The following CHRM2 variants were observed in gnomAD, a reference collection of about 807,000 sequenced individuals.
CHRM2 encodes the protein muscarinic acetylcholine receptor M2.
CHRM2 carries 8 observed loss-of-function variants against 25.0 expected under a neutral mutation model. The observed-to-expected ratio is 0.32, with a 90% CI of 0.19 to 0.58. The LOEUF (loss-of-function observed/expected upper bound fraction) is 0.58, where lower values mean the gene tolerates loss of function less well. Ranked by LOEUF, CHRM2 falls within the 20% of genes least tolerant of loss-of-function variation. The probability of loss-of-function intolerance (pLI) is 0.88; values close to 1 mark genes in which losing one functional copy is unlikely to be tolerated. For missense variants in CHRM2, 440 were observed against 567.1 expected (o/e 0.78, Z 2.28); for synonymous variants, 202 against 205.7 (o/e 0.98, Z 0.15).
At chr7:136,996,896 T>C (rs1182769025) in intron 3 of CHRM2, among the ~76,000 whole-genome samples, 1 of 152,224 alleles carries the variant, frequency 6.6e-6, no homozygotes, top group Non-Finnish European at 1.5e-5. Context: ...CAGTATTTTA[T>C]GACTTTGAGC....
chr7:136,938,646 A>G, intron 2 of CHRM2: 2 of 831,416 alleles, frequency 2.4e-6, no homozygotes, highest in Non-Finnish European at 4.2e-6. Context: ...ATGCGGGCAC[A>G]GGGCCCACTC....
intron 2 of CHRM2, among the ~76,000 whole-genome samples, chr7:136,959,995 A>T (rs1192225602): frequency 1.3e-5 from 2 of 152,182 alleles, no homozygotes; most frequent in African/African-American, 4.8e-5. Flanking sequence ...ACAGCCTCAT[A>T]CAGTGCAAGT....
At chr7:136,884,269 G>T (rs1796373968) in intron 2 of CHRM2, among the ~76,000 whole-genome samples, 1 of 152,070 alleles carries the variant, frequency 6.6e-6, no homozygotes, top group African/African-American at 2.4e-5. Context: ...AGGTCATTAG[G>T]AAACTGTTGT....
intron 2 of CHRM2, among the ~76,000 whole-genome samples, chr7:136,964,220 G>A (rs1801273244): frequency 6.6e-6 from 1 of 151,668 alleles, no homozygotes; most frequent in Non-Finnish European, 1.5e-5. Flanking sequence ...CTAAGAAATG[G>A]TTAAATATAT....
chr7:136,926,153 T>G (rs1798737664), intron 2 of CHRM2, among the ~76,000 whole-genome samples: 1 of 152,054 alleles, frequency 6.6e-6, no homozygotes, highest in African/African-American at 2.4e-5. Flanking sequence ...AGGAGATTGC[T>G]TAAACCTGGG....
At chr7:136,983,288 C>T (rs1409206649) in intron 2 of CHRM2, among the ~76,000 whole-genome samples, 2 of 152,142 alleles carry the variant, frequency 1.3e-5, no homozygotes, top group South Asian at 2.1e-4. Context: ...TTTTTCATCT[C>T]CATCAGATCA....
Position 137,004,856 on chromosome 7 carries a change from A to G in CHRM2, c.-46-9964A>G, listed in dbSNP as rs148008943. Among the ~76,000 whole-genome samples, 1,091 of 152,158 alleles carry G rather than the reference A, an allele frequency of 7.2e-3. 15 individuals carry two copies. Among genetic ancestry groups the G allele is most frequent in the African/African-American group, 0.025 (1,042 of 41,538 alleles). ...CCTGCTCTCATTTTTTCAAGTTTTCATGGGATAACACTGCGGTCATTTGGC... is the reference window on the plus strand; with the variant it reads ...CCTGCTCTCATTTTTTCAAGTTTTCGTGGGATAACACTGCGGTCATTTGGC... On this transcript the variant is annotated intron_variant, in intron 3 of 3. Transcript: ENST00000680005.
chr7:136,900,766 G>A (rs980932050), intron 2 of CHRM2, among the ~76,000 whole-genome samples: 20 of 151,834 alleles, frequency 1.3e-4, no homozygotes, highest in Admixed American at 1.3e-4. Context: ...GTAAACACCC[G>A]AGGCATTTTT....
At chr7:136,937,400 G>GT (rs371072765) in intron 2 of CHRM2, among the ~76,000 whole-genome samples, 7 of 151,814 alleles carry the variant, frequency 4.6e-5, no homozygotes, top group Admixed American at 2.6e-4. Flanking sequence ...TTTTTCCTCA[G>GT]TTTTTTTTGA....
At position 136,916,185 on chromosome 7, in the gene CHRM2, G is replaced by C. The variant is rs919693688; in HGVS notation, c.-125+46767G>C. On this transcript the variant is annotated intron_variant, in intron 2 of 3. Coordinates refer to ENST00000680005, the MANE Select transcript of CHRM2 (RefSeq NM_001006630.2). ...CATATGAGAACTCTTATTATTGGGA[G>C]TGATATAAGTGTATCAATTAAACGC... 2.0e-5 allele frequency among the ~76,000 whole-genome samples: 3 copies of C among 151,930 alleles called. No individual in the cohort carries two copies. In the East Asian group the frequency reaches 5.8e-4, roughly 30 times the overall value.
chr7:136,879,061 TA>T (rs1053290312), intron 2 of CHRM2, among the ~76,000 whole-genome samples: 34 of 151,936 alleles, frequency 2.2e-4, no homozygotes, highest in African/African-American at 8.2e-4. Flanking sequence ...TCCTGGCAAC[TA>T]ACCTCCTGGC....
chr7:137,000,184 CT>C lies in CHRM2; in HGVS notation c.-47+7925del, dbSNP rs1286329110. 4.2e-5 allele frequency among the ~76,000 whole-genome samples: 5 copies of C among 119,336 alleles called. No homozygotes were observed. In the Admixed American group the frequency reaches 4.2e-4, roughly 10 times the overall value. The allele number at this position is 119,336 out of a possible 152,430, so 78.3% of individuals were successfully genotyped here. ...TTTGTTCAGCTTGTCTTTCATAATTCTTTTTCTTTCTTTTTTTTTTTTTTTT... is the reference window on the plus strand; with the variant it reads ...TTTGTTCAGCTTGTCTTTCATAATTCTTTTCTTTCTTTTTTTTTTTTTTTT... On this transcript the variant is annotated intron_variant, in intron 3 of 3. Coordinates refer to ENST00000680005, the MANE Select transcript of CHRM2 (RefSeq NM_001006630.2).
chr7:136,879,222 G>A (rs961043748), intron 2 of CHRM2, among the ~76,000 whole-genome samples: 1 of 151,950 alleles, frequency 6.6e-6, no homozygotes, highest in Non-Finnish European at 1.5e-5. Context: ...TAACATATAT[G>A]TTGCAACATT....
At chr7:136,991,952 C>T (rs1048711086) in intron 2 of CHRM2, among the ~76,000 whole-genome samples, 1 of 152,066 alleles carries the variant, frequency 6.6e-6, no homozygotes, top group Non-Finnish European at 1.5e-5. Flanking sequence ...ACATGTGATT[C>T]TATTCTCAGG....
intron 2 of CHRM2, among the ~76,000 whole-genome samples, chr7:136,961,298 A>AT (rs1392134758): frequency 1.9e-4 from 29 of 152,278 alleles, no homozygotes; most frequent in African/African-American, 6.7e-4. Flanking sequence ...GGAAGCTAAT[A>AT]ATGTAAGTGT....
chr7:136,985,050 A>G lies in CHRM2; in HGVS notation c.-124-7137A>G, dbSNP rs142512283. ...TTAACAATTTGTGGAACTAGTTAGT[A>G]TTCTATAGAATAAACTTTGTCATTG... On this transcript the variant is annotated intron_variant, in intron 2 of 3. Coordinates refer to ENST00000680005, the MANE Select transcript of CHRM2 (RefSeq NM_001006630.2). Among the ~76,000 whole-genome samples the G allele has an allele frequency of 6.6e-5, 10 of 152,248 alleles. No individual in the cohort carries two copies. The East Asian group carries it at 1.9e-3, about 30-fold the overall frequency.
chr7:136,949,541 T>C (rs1166238672), intron 2 of CHRM2, among the ~76,000 whole-genome samples: 2 of 151,438 alleles, frequency 1.3e-5, no homozygotes, highest in African/African-American at 4.9e-5. Flanking sequence ...GGTGGGAGGA[T>C]TGCTGGAGCC....
intron 2 of CHRM2, among the ~76,000 whole-genome samples, chr7:136,985,078 G>A (rs1271811785): frequency 1.3e-5 from 2 of 152,092 alleles, no homozygotes; most frequent in Non-Finnish European, 2.9e-5. Context: ...TGTCATTGCT[G>A]TTCTAGTATC....
chr7:136,957,041 T>G (rs1800766544), intron 2 of CHRM2, among the ~76,000 whole-genome samples: 1 of 152,156 alleles, frequency 6.6e-6, no homozygotes, highest in Non-Finnish European at 1.5e-5. Flanking sequence ...AATGGAGGTG[T>G]GTTTTGGCCT....
Sources: allele counts gnomAD v4.1 joint callset (sites outside exome capture counted in the v4.1 genomes callset), GRCh38; gene constraint gnomAD v4.1.1; transcripts MANE v1.5; gene names NCBI Gene and HGNC (gene_info 2026-07-23, HGNC 2026-07-21).